The following COL4A3 variants were observed in gnomAD, a reference collection of about 807,000 sequenced individuals.
The protein encoded by COL4A3 is collagen type IV alpha 3 chain.
Under a neutral mutation model 217.4 loss-of-function variants are expected in COL4A3, and 135 were observed. That is an observed-to-expected ratio of 0.62 (90% confidence interval 0.54 to 0.72). COL4A3 has a LOEUF of 0.72. Among genes scored for constraint, COL4A3 ranks in the 30% least tolerant of loss-of-function variants. COL4A3 has a pLI of 0.00. For synonymous variants in COL4A3, 690 were observed against 736.3 expected, an observed-to-expected ratio of 0.94 and a Z score of 1.02; for missense variants, 1,868 against 2,119.9, an observed-to-expected ratio of 0.88 and a Z score of 2.33.
intron 1 of COL4A3, among the ~76,000 whole-genome samples, chr2:227,231,421 G>A (rs550870447): frequency 5.3e-5 from 8 of 152,066 alleles, no homozygotes; most frequent in Non-Finnish European, 1.2e-4. Flanking sequence ...TGGGGTACAT[G>A]AGATGTTTTG....
chr2:227,200,014 G>A (rs1482521021), intron 1 of COL4A3, among the ~76,000 whole-genome samples: 1 of 152,150 alleles, frequency 6.6e-6, no homozygotes, highest in Non-Finnish European at 1.5e-5. Flanking sequence ...ATCACAGAAA[G>A]CTAGAAGTAG....
rs538829681 is a variant in COL4A3 at position 227,282,101 on chromosome 2, ATC to A, written c.2489-260_2489-259del. Among the ~76,000 whole-genome samples, 65 of 152,072 alleles carry A rather than the reference ATC, an allele frequency of 4.3e-4. No individual in the cohort carries two copies. Among genetic ancestry groups the A allele is most frequent in the Non-Finnish European group, 7.8e-4 (53 of 67,962 alleles). Reference sequence around the variant, plus strand: ...AGCCTGGCCAACATGGCAAAACCCCATCTCTATTAAAAATACAAAACTTAGCT... The same window carrying A: ...AGCCTGGCCAACATGGCAAAACCCCATCTATTAAAAATACAAAACTTAGCT... On this transcript the variant is annotated intron_variant, in intron 31 of 51. Coordinates refer to ENST00000396578, the MANE Select transcript of COL4A3 (RefSeq NM_000091.5). The surrounding 1 kb of genome is among the most constrained non-coding windows in gnomAD (Gnocchi z 4.4).
intron 4 of COL4A3, 40 bp from the exon 5 acceptor site, chr2:227,244,908 GTTT>G: frequency 7.6e-7 from 1 of 1,307,480 alleles, no homozygotes; most frequent in Non-Finnish European, 1.0e-6. Context: ...CATTTTTAAA[GTTT>G]TTTTTTTTTG....
intron 1 of COL4A3, among the ~76,000 whole-genome samples, chr2:227,221,871 C>T (rs939569331): frequency 3.3e-5 from 5 of 151,054 alleles, no homozygotes; most frequent in African/African-American, 4.9e-5. Flanking sequence ...TGAAGTTGGA[C>T]ATTAGGAAAA....
chr2:227,300,724 A>G (rs546380474), intron 43 of COL4A3, among the ~76,000 whole-genome samples: 1 of 152,228 alleles, frequency 6.6e-6, no homozygotes, highest in South Asian at 2.1e-4. Context: ...CCATTTTCAC[A>G]CTGTGTGGTA....
rs200509921 is a variant in COL4A3, at chr2:227,279,245, G to GT, written c.2126-541dup. 3.1e-3 allele frequency among the ~76,000 whole-genome samples: 416 copies of GT among 134,230 alleles called. 3 individuals are homozygous for GT. The highest frequency in any genetic ancestry group is 9.9e-3 in the African/African-American group (384 of 38,886). The allele number at this position is 134,230 out of a possible 152,430, so 88.1% of individuals were successfully genotyped here. On this transcript the variant is annotated intron_variant, in intron 28 of 51. Transcript: ENST00000396578. ...AGACATGTGCCACCATGCCTGGCTA[G>GT]TTTTTTTGTTGTTGTTTTTTTTGTT...
chr2:227,190,705 G>C (rs1277979275), intron 1 of COL4A3, among the ~76,000 whole-genome samples: 1 of 152,158 alleles, frequency 6.6e-6, no homozygotes, highest in East Asian at 1.9e-4. Flanking sequence ...TCAGGAGTTT[G>C]AGAGCAGCCT....
intron 42 of COL4A3, among the ~76,000 whole-genome samples, chr2:227,298,299 C>G (rs2073122601): frequency 6.6e-6 from 1 of 152,170 alleles, no homozygotes; most frequent in Non-Finnish European, 1.5e-5. Flanking sequence ...CTGCAGTGAG[C>G]TGAGATTGCG....
rs1553741218 is a variant in COL4A3 at position 227,208,862 on chromosome 2, A to AAT, written c.88-29105_88-29104insTA. On this transcript the variant is annotated intron_variant, in intron 1 of 51. Coordinates refer to ENST00000396578, the MANE Select transcript of COL4A3 (RefSeq NM_000091.5). ...TAGAAAGAGGAGCAAAAAACAAAGA[A>AAT]AGAGGAGGGAGAGAAACAAAATTAT... is the stretch of plus-strand genomic sequence containing the variant. 4.0e-5 allele frequency among the ~76,000 whole-genome samples: 6 copies of AAT among 151,562 alleles called. 1 individual carries two copies. Among genetic ancestry groups the AAT allele is most frequent in the Admixed American group, 2.0e-4 (3 of 15,196 alleles).
At chr2:227,276,335 A>C in intron 26 of COL4A3, 50 bp from the exon 27 acceptor site, 2 of 1,333,496 alleles carry the variant, frequency 1.5e-6, no homozygotes, top group Non-Finnish European at 2.2e-6. Context: ...CTATCGTCTA[A>C]GACAAGCTTC....
At chr2:227,295,640 T>C (rs1162160371) in intron 41 of COL4A3, among the ~76,000 whole-genome samples, 2 of 152,224 alleles carry the variant, frequency 1.3e-5, no homozygotes, top group Non-Finnish European at 1.5e-5. Context: ...GTGGAACTGA[T>C]GGGTTCTCAG....
At chr2:227,285,674 C>T (rs953036636) in intron 34 of COL4A3, among the ~76,000 whole-genome samples, 4 of 152,118 alleles carry the variant, frequency 2.6e-5, no homozygotes, top group East Asian at 1.9e-4. Context: ...AGAAATTTGG[C>T]GCTCACAGTA....
chr2:227,239,433 C>A (rs2068889996), intron 2 of COL4A3, among the ~76,000 whole-genome samples: 2 of 152,110 alleles, frequency 1.3e-5, no homozygotes, highest in African/African-American at 4.8e-5. Context: ...CAATCCCCCA[C>A]CGACACTGAG....
intron 1 of COL4A3, among the ~76,000 whole-genome samples, chr2:227,231,336 A>G (rs1215963890): frequency 6.6e-6 from 1 of 151,942 alleles, no homozygotes; most frequent in Admixed American, 6.6e-5. Flanking sequence ...CATGTCTGCT[A>G]TACCAATCAG....
chr2:227,272,854 A>T (rs919408157), intron 25 of COL4A3, 95 bp from the exon 26 acceptor site: 1 of 1,280,310 alleles, frequency 7.8e-7, no homozygotes, highest in African/African-American at 1.5e-5. Context: ...GATCTCAATG[A>T]CAGCCTAACT....
Position 227,304,053 on chromosome 2 carries a change from C to T in COL4A3, c.4062C>T (p.Ile1354=). The T allele has an allele frequency of 6.2e-7, 1 of 1,614,128 alleles. No homozygotes were observed. The change falls in exon 46 of 52, where the codon ATC becomes ATT. Residue 1354 remains isoleucine, a synonymous_variant. Coordinates refer to ENST00000396578, the MANE Select transcript of COL4A3 (RefSeq NM_000091.5). Reference sequence around the variant, plus strand: ...GAGACCCTGGCACACTTAAGATTATCTCCCTTCCAGGAAGCCCAGGGCCAC... The same window carrying T: ...GAGACCCTGGCACACTTAAGATTATTTCCCTTCCAGGAAGCCCAGGGCCAC... ...VRGDPGTLKI[I]SLPGSPGPPG... is the part of the protein sequence containing the mutation.
At position 227,166,933 on chromosome 2, in the gene COL4A3, C is replaced by G. The variant is rs113359148; in HGVS notation, c.87+2120C>G. On this transcript the variant is annotated intron_variant, in intron 1 of 51. Transcript: ENST00000396578. ...AGAGTTGAAACCCCAGTGGGGCCAG[C>G]AGGTGAAGTAAGGAGTAAGGCAATG... 5.8e-4 allele frequency among the ~76,000 whole-genome samples: 88 copies of G among 152,272 alleles called. 1 individual carries two copies. Among genetic ancestry groups the G allele is most frequent in the African/African-American group, 2.1e-3 (87 of 41,552 alleles).
In COL4A3 at chr2:227,302,920, C is replaced by T; in HGVS notation, c.3883-118C>T. ...GAAAGATAAAAATGATGTCTGCTAA[C>T]TTCAGCTTATTCTCACCCAACATAA... On this transcript the variant is annotated intron_variant, in intron 43 of 51. Coordinates refer to ENST00000396578, the MANE Select transcript of COL4A3 (RefSeq NM_000091.5). The T allele has an allele frequency of 4.2e-6, 3 of 707,248 alleles. No homozygotes were observed. In the Admixed American group the frequency reaches 6.2e-5, roughly 15 times the overall value. 43.8% of individuals were successfully genotyped at this position (707,248 alleles called of 1,614,324 possible). A position where few individuals can be genotyped will look rare whatever the true frequency, so the allele number is the denominator to read the frequency against.
chr2:227,182,578 A>C (rs766812803), intron 1 of COL4A3, among the ~76,000 whole-genome samples: 5 of 152,222 alleles, frequency 3.3e-5, no homozygotes, highest in African/African-American at 4.8e-5. Context: ...CCATGCATCA[A>C]AATTAAAACT....
Sources: gnomAD v4.1 joint callset for allele counts (sites outside exome capture counted in the v4.1 genomes callset) on GRCh38, gnomAD v4.1.1 for gene constraint, Gnocchi (gnomAD v3.1) non-coding constraint, MANE v1.5 for transcripts, NCBI Gene and HGNC (gene_info 2026-07-23, HGNC 2026-07-21) for gene names.